The following CFAP20 variants were observed in gnomAD, a reference collection of about 807,000 sequenced individuals.
The protein encoded by CFAP20 is cilia- and flagella-associated protein 20.
CFAP20 carries 14 observed loss-of-function variants against 25.5 expected under a neutral mutation model. The observed-to-expected ratio is 0.55, with a 90% CI of 0.36 to 0.86. The LOEUF (loss-of-function observed/expected upper bound fraction) is 0.86, where lower values mean the gene tolerates loss of function less well. Ranked by LOEUF, CFAP20 falls within the 40% of genes least tolerant of loss-of-function variation. CFAP20 has a pLI of 0.01. For synonymous variants in CFAP20, 75 were observed against 91.1 expected, an observed-to-expected ratio of 0.82 and a Z score of 1.01; for missense variants, 181 against 248.0, an observed-to-expected ratio of 0.73 and a Z score of 1.81.
At chr16:58,118,554 G>A (rs754920832) in intron 1 of CFAP20, among the ~76,000 whole-genome samples, 7 of 151,032 alleles carry the variant, frequency 4.6e-5, no homozygotes, top group Non-Finnish European at 1.0e-4. Flanking sequence ...CTGGGGTCAG[G>A]CATGGTGGTT....
intron 1 of CFAP20, among the ~76,000 whole-genome samples, chr16:58,124,509 C>T (rs1960583759): frequency 6.6e-6 from 1 of 152,190 alleles, no homozygotes; most frequent in Admixed American, 6.5e-5. Flanking sequence ...CACACCCGGG[C>T]CATATGGTAT....
chr16:58,114,555 G>T (rs1331687551), intron 5 of CFAP20, among the ~76,000 whole-genome samples: 1 of 150,532 alleles, frequency 6.6e-6, no homozygotes, highest in East Asian at 2.0e-4. Context: ...GATATTTTCT[G>T]AAGTTCTGTG....
At chr16:58,121,148 G>A (rs147863412) in intron 1 of CFAP20, among the ~76,000 whole-genome samples, 90 of 152,214 alleles carry the variant, frequency 5.9e-4, no homozygotes, top group African/African-American at 2.1e-3. Flanking sequence ...GGCAATTTGG[G>A]GCAAAGGCTC....
At chr16:58,121,540 A>C (rs1022242099) in intron 1 of CFAP20, among the ~76,000 whole-genome samples, 3 of 152,236 alleles carry the variant, frequency 2.0e-5, no homozygotes, top group Non-Finnish European at 2.9e-5. Flanking sequence ...ATAAAAATCT[A>C]AAGCCAATAT....
intron 1 of CFAP20, among the ~76,000 whole-genome samples, chr16:58,125,367 G>C (rs1960598197): frequency 6.6e-6 from 1 of 152,222 alleles, no homozygotes; most frequent in African/African-American, 2.4e-5. Context: ...TTTTGTTCTT[G>C]TTGTTAAGTA....
At chr16:58,122,045 C>T (rs1960540639) in intron 1 of CFAP20, among the ~76,000 whole-genome samples, 2 of 152,180 alleles carry the variant, frequency 1.3e-5, no homozygotes, top group Non-Finnish European at 2.9e-5. Flanking sequence ...AAAGTTCCTG[C>T]ACTGGGTTAA....
chr16:58,124,582 T>G (rs1960585014), intron 1 of CFAP20, among the ~76,000 whole-genome samples: 2 of 152,202 alleles, frequency 1.3e-5, no homozygotes, highest in Non-Finnish European at 2.9e-5. Context: ...TGTAGGCAAC[T>G]GTAACATAAT....
chr16:58,114,886 A>C lies in CFAP20; in HGVS notation c.500T>G (p.Phe167Cys), dbSNP rs1054513235. 2.5e-6 allele frequency: 4 copies of C among 1,614,136 alleles called. No individual in the cohort carries two copies. The highest frequency in any genetic ancestry group is 3.4e-6 in the Non-Finnish European group (4 of 1,179,988). Residue 167 changes from phenylalanine (F) to cysteine (C), a missense_variant, in exon 5 of 6, where the codon TTC becomes TGC. By Grantham distance (205) the Phe-to-Cys change is radical. Transcript: ENST00000262498. ...ATCTTCTGAGTAGAGTCTGTCTGAGAAGTAAACCCGTCGGATGCGACAATT... is the reference window on the plus strand; with the variant it reads ...ATCTTCTGAGTAGAGTCTGTCTGAGCAGTAAACCCGTCGGATGCGACAATT... ...HANCRIRRVY[F>C]SDRLYSEDEL...
intron 1 of CFAP20, among the ~76,000 whole-genome samples, chr16:58,126,521 T>C (rs1318029005): frequency 6.6e-6 from 1 of 152,080 alleles, no homozygotes; most frequent in Non-Finnish European, 1.5e-5. Flanking sequence ...TCTCTATATA[T>C]ACTCATGAAA....
chr16:58,128,231 T>C (rs968049683), intron 1 of CFAP20, among the ~76,000 whole-genome samples: 6 of 152,148 alleles, frequency 3.9e-5, no homozygotes, highest in Non-Finnish European at 5.9e-5. Flanking sequence ...AGATTCATCA[T>C]CTCGTGGGGC....
intron 1 of CFAP20, among the ~76,000 whole-genome samples, chr16:58,124,788 T>C (rs554011311): frequency 1.3e-5 from 2 of 152,354 alleles, no homozygotes; most frequent in South Asian, 4.1e-4. Context: ...CACAATACAC[T>C]TATGCTACAA....
At chr16:58,124,331 C>T (rs1175689633) in intron 1 of CFAP20, among the ~76,000 whole-genome samples, 2 of 152,204 alleles carry the variant, frequency 1.3e-5, no homozygotes, top group Admixed American at 6.5e-5. Flanking sequence ...GCAAATTCCT[C>T]AGTCCCTGCC....
intron 1 of CFAP20, chr16:58,119,453 C>T (rs1020425209): frequency 2.0e-5 from 3 of 152,156 alleles, no homozygotes; most frequent in Admixed American, 6.6e-5. Context: ...ACACATCCCC[C>T]GTGGACTATT....
At chr16:58,114,777 T>C (rs1243388969) in intron 5 of CFAP20, 33 bp downstream of exon 5, 1 of 1,544,030 alleles carries the variant, frequency 6.5e-7, no homozygotes, top group Admixed American at 1.7e-5. Flanking sequence ...CCCCACTCAC[T>C]GGTGGACCTT....
chr16:58,121,223 G>A (rs959444684), intron 1 of CFAP20, among the ~76,000 whole-genome samples: 3 of 152,140 alleles, frequency 2.0e-5, no homozygotes, highest in South Asian at 2.1e-4. Flanking sequence ...GAAAGCAACC[G>A]TCTCCTAAAA....
At chr16:58,128,976 G>T in intron 1 of CFAP20, 56 bp downstream of exon 1, 1 of 1,382,568 alleles carries the variant, frequency 7.2e-7, no homozygotes, top group East Asian at 2.4e-5. Context: ...CCCAGCCCCC[G>T]GACGAGGAGG....
At chr16:58,117,636 TG>T (rs1441954333) in intron 1 of CFAP20, among the ~76,000 whole-genome samples, 1 of 152,030 alleles carries the variant, frequency 6.6e-6, no homozygotes, top group African/African-American at 2.4e-5. Context: ...GGTTTCACCA[TG>T]TTGGCCAGGC....
At position 58,119,849 on chromosome 16, in the gene CFAP20, A is replaced by C. The variant is rs1272171583; in HGVS notation, c.85-2898T>G. On this transcript the variant is annotated intron_variant, in intron 1 of 5. Transcript: ENST00000262498. ...AAGTGCCCACCTCACTCGCCATCTC[A>C]TGTTCCCAACCTAAGTGCCCACCTC... Among the ~76,000 whole-genome samples, 203 of 120,758 alleles carry C rather than the reference A, an allele frequency of 1.7e-3. No individual in the cohort carries two copies. In the East Asian group the frequency reaches 0.038, roughly 22 times the overall value. 79.2% of individuals were successfully genotyped at this position (120,758 alleles called of 152,430 possible). A position where few individuals can be genotyped will look rare whatever the true frequency, so the allele number is the denominator to read the frequency against.
At chr16:58,122,720 A>G (rs1960550852) in intron 1 of CFAP20, among the ~76,000 whole-genome samples, 1 of 152,248 alleles carries the variant, frequency 6.6e-6, no homozygotes, top group Non-Finnish European at 1.5e-5. Flanking sequence ...CAATTCTACT[A>G]CTGAAAACAG....
Sources: allele counts gnomAD v4.1 joint callset (sites outside exome capture counted in the v4.1 genomes callset), GRCh38; gene constraint gnomAD v4.1.1; transcripts MANE v1.5; gene names NCBI Gene and HGNC (gene_info 2026-07-23, HGNC 2026-07-21).